The following ADCY7 variants were observed in gnomAD, a reference collection of about 807,000 sequenced individuals.
ADCY7 encodes the protein adenylate cyclase type 7.
Under a neutral mutation model 120.6 loss-of-function variants are expected in ADCY7, and 72 were observed. The ratio of observed to expected loss-of-function variants is 0.60; its 90% confidence interval spans 0.49 to 0.73. ADCY7 has a LOEUF of 0.73. Among genes scored for constraint, ADCY7 ranks in the 30% least tolerant of loss-of-function variants. The pLI is 0.00. For missense variants in ADCY7, 1,227 were observed against 1,486.0 expected, an observed-to-expected ratio of 0.83 and a Z score of 2.87; for synonymous variants, 661 against 628.0, an observed-to-expected ratio of 1.05 and a Z score of -0.78.
At chr16:50,288,414 T>C (rs2034719626) in intron 2 of ADCY7, 64 bp downstream of exon 2, 2 of 1,404,198 alleles carry the variant, frequency 1.4e-6, no homozygotes, top group African/African-American at 1.5e-5. Context: ...TGCTATCTTC[T>C]CTTAGCCTCT....
At chr16:50,294,600 C>G (rs756937228) in intron 6 of ADCY7, 40 bp from the exon 7 acceptor site, 1 of 1,281,778 alleles carries the variant, frequency 7.8e-7, no homozygotes. Flanking sequence ...TGTCTAGGAG[C>G]CTGGCTCTGA....
In ADCY7 at chr16:50,315,375, G is replaced by A; in HGVS notation, c.3113G>A (p.Cys1038Tyr). 2 of 1,613,150 alleles carry A rather than the reference G, an allele frequency of 1.2e-6. No homozygotes were observed. The highest frequency in any genetic ancestry group is 1.1e-5 in the South Asian group (1 of 91,072). Residue 1038 changes from cysteine (C) to tyrosine (Y), a missense_variant, in exon 26 of 26, where the codon TGC becomes TAC. By Grantham distance (194) the Cys-to-Tyr change is radical. Transcript: ENST00000673801. ...LGKIQVTEETCTILQGLGYSC... is the reference protein window; with the variant it reads ...LGKIQVTEETYTILQGLGYSC... ...CCTTTTCAGGTTACCGAGGAGACCT[G>A]CACCATCCTCCAGGGCCTCGGGTAC...
In ADCY7 at chr16:50,317,622, T is replaced by C. The variant is rs2036863917; in HGVS notation, c.*2117T>C. ...GCACTGTGCTGTGCTCAGATAATAA[T>C]AGTTTGTAAGTAAAAGTTTTTAGTT... On this transcript the variant is annotated 3_prime_UTR_variant, in exon 26 of 26. Coordinates refer to ENST00000673801, the MANE Select transcript of ADCY7 (RefSeq NM_001114.5). 1 of 152,372 alleles carries C rather than the reference T, an allele frequency of 6.6e-6. No homozygotes were observed. The highest frequency in any genetic ancestry group is 6.5e-5 in the Admixed American group (1 of 15,286). The allele number at this position is 152,372 out of a possible 1,614,324, so 9.4% of individuals were successfully genotyped here.
At chr16:50,314,587 C>T in intron 24 of ADCY7, 181 bp downstream of exon 24, 4 of 561,648 alleles carry the variant, frequency 7.1e-6, no homozygotes, top group Non-Finnish European at 1.3e-5. Context: ...ATATAGTTAC[C>T]ATTGAGAGTT....
Position 50,298,937 on chromosome 16 carries a change from G to T in ADCY7, c.982G>T (p.Asp328Tyr). 6.2e-7 allele frequency: 1 copy of T among 1,613,926 alleles called. No individual in the cohort carries two copies. The highest frequency in any genetic ancestry group is 1.1e-5 in the South Asian group (1 of 91,064). Reference protein sequence around the residue: ...NECMRIKILGDCYYCVSGLPV... With the variant: ...NECMRIKILGYCYYCVSGLPV... ...GTGCATGCGAATCAAGATCCTCGGC[G>T]ACTGCTACTACTGTGTATCGGGCCT... The change falls in exon 8 of 26, where the codon GAC becomes TAC. Residue 328 changes from aspartate to tyrosine, a missense_variant. By Grantham distance (160) the Asp-to-Tyr change is radical. Around this residue, in one of 5 missense-constraint regions of ADCY7, gnomAD observed 332 missense variants for 455.8 expected, o/e 0.73. Transcript: ENST00000673801.
intron 7 of ADCY7, among the ~76,000 whole-genome samples, chr16:50,295,372 T>TTTTTTTTTG (rs2035284235): frequency 7.4e-6 from 1 of 134,928 alleles, no homozygotes; most frequent in Non-Finnish European, 1.6e-5. Flanking sequence ...TTTTTTTTTT[T>TTTTTTTTTG]TTTGTAGCAA....
intron 18 of ADCY7, 154 bp from the exon 19 acceptor site, chr16:50,310,531 ACT>A: frequency 2.6e-6 from 4 of 1,543,180 alleles, no homozygotes; most frequent in Non-Finnish European, 3.5e-6. Flanking sequence ...AACACTGGAC[ACT>A]CTTAGGTCTC....
rs1357189032 is a variant in ADCY7, at chr16:50,292,899, A to G, written c.687+74A>G. The G allele has an allele frequency of 2.6e-6, 4 of 1,555,982 alleles. No individual in the cohort carries two copies. In the African/African-American group the frequency reaches 4.1e-5, roughly 16 times the overall value. ...TCTTTCTGTTGGACATGAGACACTC[A>G]TGCTGCCATGTGCATGAGGTGCATG... On this transcript the variant is annotated intron_variant, in intron 5 of 25. Coordinates refer to ENST00000673801, the MANE Select transcript of ADCY7 (RefSeq NM_001114.5).
intron 1 of ADCY7, among the ~76,000 whole-genome samples, chr16:50,255,122 CAAAAAA>C (rs34287607): frequency 2.9e-5 from 3 of 103,414 alleles, no homozygotes; most frequent in African/African-American, 1.2e-4. Context: ...CTTGTCTCTA[CAAAAAA>C]AAAAAAAAAA....
At chr16:50,294,929 G>A (rs953899263) in intron 7 of ADCY7, among the ~76,000 whole-genome samples, 178 bp downstream of exon 7, 1 of 152,140 alleles carries the variant, frequency 6.6e-6, no homozygotes. Flanking sequence ...TGGTGGCCAC[G>A]GCAGCCAGGA....
At chr16:50,289,345 T>C in intron 2 of ADCY7, 1 of 446,016 alleles carries the variant, frequency 2.2e-6, no homozygotes, top group African/African-American at 2.0e-5. Context: ...CTCAGAATCC[T>C]TTTTAACACA....
intron 1 of ADCY7, among the ~76,000 whole-genome samples, chr16:50,276,045 C>T (rs1489961593): frequency 6.6e-6 from 1 of 152,204 alleles, no homozygotes; most frequent in Non-Finnish European, 1.5e-5. Flanking sequence ...CGTCTCCTGC[C>T]AGCAAGCCTG....
In ADCY7 at chr16:50,317,892, C is replaced by T. The variant is rs375461232; in HGVS notation, c.*2387C>T. The stretch of plus-strand genomic sequence containing the variant: ...GTTTTCTGGCTTATTGAGGAAATTT[C>T]CTAACAAACAAACAAACAAACAAAC... On this transcript the variant is annotated 3_prime_UTR_variant, in exon 26 of 26. Transcript: ENST00000673801. 7.7e-6 allele frequency: 1 copy of T among 130,030 alleles called. No homozygotes were observed. Among genetic ancestry groups the T allele is most frequent in the South Asian group, 2.4e-4 (1 of 4,234 alleles). The allele number at this position is 130,030 out of a possible 1,614,324, so 8.1% of individuals were successfully genotyped here.
chr16:50,256,445 G>A (rs943711859), intron 1 of ADCY7, among the ~76,000 whole-genome samples: 2 of 152,208 alleles, frequency 1.3e-5, no homozygotes, highest in Admixed American at 6.5e-5. Context: ...GCTCACGCCT[G>A]TAATTCCAGC....
At chr16:50,314,430 G>GC in intron 24 of ADCY7, 24 bp downstream of exon 24, 1 of 1,595,818 alleles carries the variant, frequency 6.3e-7, no homozygotes, top group Non-Finnish European at 8.6e-7. Context: ...ATGGAGCGGG[G>GC]TGGGGAGCCC....
At chr16:50,282,688 C>T (rs917173958) in intron 1 of ADCY7, among the ~76,000 whole-genome samples, 3 of 151,120 alleles carry the variant, frequency 2.0e-5, no homozygotes, top group East Asian at 1.9e-4. Context: ...ATAGGGACCC[C>T]GGATATCCTG....
At chr16:50,299,990 T>G (rs533526698) in intron 8 of ADCY7, among the ~76,000 whole-genome samples, 172 of 152,292 alleles carry the variant, frequency 1.1e-3, no homozygotes, top group Middle Eastern at 6.8e-3. Flanking sequence ...TGGGGGGGCA[T>G]AGAAGGTGCC....
chr16:50,272,953 G>A (rs185531724), intron 1 of ADCY7, among the ~76,000 whole-genome samples: 1 of 152,260 alleles, frequency 6.6e-6, no homozygotes, highest in Non-Finnish European at 1.5e-5. Flanking sequence ...CATCCCCTGG[G>A]GGCAGGGACC....
chr16:50,254,025 CTG>C (rs2032839532), intron 1 of ADCY7, among the ~76,000 whole-genome samples: 1 of 152,200 alleles, frequency 6.6e-6, no homozygotes, highest in African/African-American at 2.4e-5. Context: ...GAGGCTGGGT[CTG>C]TGTTTCTGAC....
Sources: allele counts gnomAD v4.1 joint callset (sites outside exome capture counted in the v4.1 genomes callset), GRCh38; gene constraint gnomAD v4.1.1; regional missense constraint gnomAD v4.1.1; transcripts MANE v1.5; gene names NCBI Gene and HGNC (gene_info 2026-07-23, HGNC 2026-07-21).